Variants in DGKB observed in about 807,000 individuals in gnomAD.
DGKB encodes the protein diacylglycerol kinase beta, also known as 90 kDa diacylglycerol kinase.
A neutral mutation model predicts 114.3 loss-of-function variants in DGKB; 67 were observed. The ratio of observed to expected loss-of-function variants is 0.59; its 90% confidence interval spans 0.48 to 0.72. The LOEUF (loss-of-function observed/expected upper bound fraction) is 0.72, where lower values mean the gene tolerates loss of function less well. Among genes scored for constraint, DGKB ranks in the 30% least tolerant of loss-of-function variants. DGKB has a pLI of 0.00. For missense variants in DGKB, 907 were observed against 975.2 expected (o/e 0.93, Z 0.93); for synonymous variants, 398 against 323.1 (o/e 1.23, Z -2.49).
At chr7:14,358,852 G>A (rs569237974) in intron 21 of DGKB, among the ~76,000 whole-genome samples, 6 of 151,678 alleles carry the variant, frequency 4.0e-5, no homozygotes, top group South Asian at 2.1e-4. Flanking sequence ...AAGAAGAATC[G>A]TGAAAATGAC....
At chr7:14,321,452 G>C (rs139654015) in intron 23 of DGKB, among the ~76,000 whole-genome samples, 1 of 151,966 alleles carries the variant, frequency 6.6e-6, no homozygotes, top group Non-Finnish European at 1.5e-5. Context: ...AACCTGAAAA[G>C]GTGTATCCAT....
intron 20 of DGKB, among the ~76,000 whole-genome samples, chr7:14,492,686 A>G (rs1015454114): frequency 1.3e-5 from 2 of 152,040 alleles, no homozygotes; most frequent in Non-Finnish European, 2.9e-5. Context: ...TCTGACCTTT[A>G]TGCCACCATA....
rs1334201081 is a variant in DGKB at position 14,147,173 on chromosome 7, C to G, written c.*1958G>C. ...CATTATGTCAGTAATGTACTTGTTA[C>G]TGTTTTGAGATTTCTTTCTTTCTTT... On this transcript the variant is annotated 3_prime_UTR_variant, in exon 26 of 26. Coordinates refer to ENST00000402815, the MANE Select transcript of DGKB (RefSeq NM_001350709.2). 6.6e-6 allele frequency: 1 copy of G among 152,074 alleles called. No individual in the cohort carries two copies. Among genetic ancestry groups the G allele is most frequent in the Non-Finnish European group, 1.5e-5 (1 of 67,974 alleles). The allele number at this position is 152,074 out of a possible 1,614,324, so 9.4% of individuals were successfully genotyped here. A position where few individuals can be genotyped will look rare whatever the true frequency, so the allele number is the denominator to read the frequency against.
chr7:14,525,218 T>C (rs1254851965), intron 20 of DGKB, among the ~76,000 whole-genome samples: 1 of 152,180 alleles, frequency 6.6e-6, no homozygotes, highest in Non-Finnish European at 1.5e-5. Flanking sequence ...GATAAGTAAG[T>C]CACTGTTTTC....
chr7:14,206,699 G>C (rs1193229195), intron 23 of DGKB, among the ~76,000 whole-genome samples: 2 of 151,956 alleles, frequency 1.3e-5, no homozygotes, highest in Non-Finnish European at 2.9e-5. Context: ...CCATAAAATA[G>C]GAATAGTGTC....
chr7:14,542,391 T>C (rs1793608835), intron 20 of DGKB, among the ~76,000 whole-genome samples: 1 of 152,096 alleles, frequency 6.6e-6, no homozygotes, highest in Non-Finnish European at 1.5e-5. Context: ...AACAGTCACC[T>C]TCCCTAAACA....
intron 24 of DGKB, among the ~76,000 whole-genome samples, chr7:14,177,646 T>C (rs1470347960): frequency 6.6e-6 from 1 of 151,912 alleles, no homozygotes; most frequent in Non-Finnish European, 1.5e-5. Context: ...ATATAAAATC[T>C]TACTGTGGCA....
intron 20 of DGKB, among the ~76,000 whole-genome samples, chr7:14,522,008 T>C (rs191827676): frequency 1.3e-5 from 2 of 152,318 alleles, no homozygotes; most frequent in African/African-American, 2.4e-5. Context: ...TCTTCTACTT[T>C]TGCTTTTTCT....
chr7:14,507,216 T>C (rs1207421564), intron 20 of DGKB, among the ~76,000 whole-genome samples: 5 of 152,218 alleles, frequency 3.3e-5, no homozygotes, highest in African/African-American at 1.2e-4. Flanking sequence ...CCTCACTCAA[T>C]GACATCTAAA....
chr7:14,779,628 C>A (rs1221739851), intron 2 of DGKB, among the ~76,000 whole-genome samples: 1 of 152,094 alleles, frequency 6.6e-6, no homozygotes, highest in East Asian at 1.9e-4. Flanking sequence ...TAAAGGCTCC[C>A]ACAAATTCCA....
intron 4 of DGKB, among the ~76,000 whole-genome samples, chr7:14,749,041 A>G (rs1191476804): frequency 6.6e-6 from 1 of 152,186 alleles, no homozygotes; most frequent in Non-Finnish European, 1.5e-5. Context: ...TCTATTTCGC[A>G]TTCTAATTTA....
At chr7:14,890,457 T>G (rs961701837) in intron 1 of DGKB, among the ~76,000 whole-genome samples, 1 of 151,486 alleles carries the variant, frequency 6.6e-6, no homozygotes, top group East Asian at 1.9e-4. Flanking sequence ...AATATTTACT[T>G]CCATGGAAAA....
At chr7:14,468,015 T>G (rs940717590) in intron 21 of DGKB, among the ~76,000 whole-genome samples, 1 of 152,180 alleles carries the variant, frequency 6.6e-6, no homozygotes, top group Admixed American at 6.5e-5. Flanking sequence ...ATCAATTGAT[T>G]CTATTCCAGA....
chr7:14,749,831 T>C (rs1029689316), intron 4 of DGKB, among the ~76,000 whole-genome samples: 1 of 152,206 alleles, frequency 6.6e-6, no homozygotes, highest in Non-Finnish European at 1.5e-5. Context: ...GATCAGTTTT[T>C]AATTATTCCT....
At chr7:14,897,263 G>C (rs141309003) in intron 1 of DGKB, among the ~76,000 whole-genome samples, 23 of 151,816 alleles carry the variant, frequency 1.5e-4, no homozygotes, top group Non-Finnish European at 2.8e-4. Flanking sequence ...TTTGAAATTA[G>C]AATTTAAAAT....
intron 1 of DGKB, among the ~76,000 whole-genome samples, chr7:14,942,925 A>ATT (rs566088423): frequency 9.3e-5 from 14 of 149,758 alleles, no homozygotes; most frequent in African/African-American, 3.4e-4. Context: ...ATTATATGTG[A>ATT]TTTTTTTTTT....
intron 23 of DGKB, among the ~76,000 whole-genome samples, chr7:14,208,720 C>A (rs1422278229): frequency 6.6e-6 from 1 of 151,920 alleles, no homozygotes; most frequent in Non-Finnish European, 1.5e-5. Context: ...GCATTCTAGC[C>A]TTCTCGCTTT....
At chr7:14,906,256 T>C (rs1345180763), upstream of DGKB, among the ~76,000 whole-genome samples, 1 of 151,850 alleles carries the variant, frequency 6.6e-6, no homozygotes, top group Non-Finnish European at 1.5e-5. Context: ...TACACATTTA[T>C]GTGTGCTTGT....
Position 14,745,663 on chromosome 7 carries a change from G to T in DGKB, c.168+8265C>A, listed in dbSNP as rs189567545. On this transcript the variant is annotated intron_variant, in intron 4 of 25. Transcript: ENST00000402815. ...CCAAAAATTTGTGCTTTATGCAGGG[G>T]AGGAGCCTGACCTCTTCAGCTCATG... 5.1e-3 allele frequency among the ~76,000 whole-genome samples: 779 copies of T among 152,312 alleles called. 8 individuals carry two copies. Among genetic ancestry groups the T allele is most frequent in the African/African-American group, 0.018 (729 of 41,564 alleles).
Sources: gnomAD v4.1 joint callset for allele counts (sites outside exome capture counted in the v4.1 genomes callset) on GRCh38, gnomAD v4.1.1 for gene constraint, MANE v1.5 for transcripts, NCBI Gene and HGNC (gene_info 2026-07-23, HGNC 2026-07-21) for gene names.